ENO3: variants seen among roughly 807,000 people sequenced by gnomAD.
ENO3 encodes beta-enolase.
In ENO3, 46 loss-of-function variants were observed where a neutral mutation model predicts 47.7. The observed-to-expected ratio is 0.96, with a 90% CI of 0.76 to 1.23. ENO3 has a LOEUF of 1.23. ENO3 is among the 50% of genes most tolerant of loss of function. ENO3 has a pLI of 0.00. For synonymous variants in ENO3, 223 were observed against 225.9 expected (o/e 0.99, Z 0.11); for missense variants, 575 against 566.2 (o/e 1.02, Z -0.16).
At chr17:4,954,133 A>C in intron 6 of ENO3, 24 of 495,436 alleles carry the variant, frequency 4.8e-5, no homozygotes, top group Non-Finnish European at 4.7e-5. Context: ...CTACACCCAA[A>C]TCATATTGAG....
Position 4,956,038 on chromosome 17 carries a change from C to T in ENO3, c.962C>T (p.Thr321Ile), listed in dbSNP as rs763881693. ...VNIQIVGDDLTVTNPKRIAQA... is the reference protein window; with the variant it reads ...VNIQIVGDDLIVTNPKRIAQA... ...ATCCAGATTGTGGGGGATGACTTGA[C>T]AGTCACCAACCCCAAGAGGATTGCC... The change falls in exon 9 of 12, where the codon ACA (threonine) becomes ATA (isoleucine). Residue 321 changes from threonine (T) to isoleucine (I), a missense_variant. Coordinates refer to ENST00000519602, the MANE Select transcript of ENO3 (RefSeq NM_053013.4). 1.9e-6 allele frequency: 3 copies of T among 1,613,982 alleles called. No homozygotes were observed. In the Admixed American group the frequency reaches 5.0e-5, roughly 27 times the overall value.
chr17:4,950,275 C>T (rs1423340566), upstream of ENO3: 2 of 152,234 alleles, frequency 1.3e-5, no homozygotes, highest in African/African-American at 4.8e-5. Flanking sequence ...AGGGCAGAGA[C>T]CTACCTCCCC....
Position 4,955,160 on chromosome 17 carries a change from C to T in ENO3, c.530C>T (p.Ser177Phe). The T allele has an allele frequency of 6.2e-7, 1 of 1,614,258 alleles. No homozygotes were observed. The highest frequency in any genetic ancestry group is 8.5e-7 in the Non-Finnish European group (1 of 1,180,046). The change falls in exon 7 of 12, where the codon TCC (serine) becomes TTC (phenylalanine). Residue 177 changes from serine (S) to phenylalanine (F), a missense_variant. Ser to Phe is a radical substitution (Grantham distance 155). Coordinates refer to ENST00000519602, the MANE Select transcript of ENO3 (RefSeq NM_053013.4). ...EFMILPVGASSFKEAMRIGAE... is the reference protein window; with the variant it reads ...EFMILPVGASFFKEAMRIGAE... Reference sequence around the variant, plus strand: ...ATGATTCTGCCTGTGGGAGCCAGCTCCTTCAAGGAAGCCATGCGCATTGGC... The same window carrying T: ...ATGATTCTGCCTGTGGGAGCCAGCTTCTTCAAGGAAGCCATGCGCATTGGC...
At chr17:4,952,774 T>C (rs1310835638) in intron 2 of ENO3, 21 bp from the exon 3 acceptor site, 14 of 1,597,666 alleles carry the variant, frequency 8.8e-6, no homozygotes, top group Non-Finnish European at 1.2e-5. Flanking sequence ...CCCTGTGATC[T>C]TCCAATTCCT....
chr17:4,952,954 G>A, intron 3 of ENO3, 64 bp downstream of exon 3: 1 of 1,610,266 alleles, frequency 6.2e-7, no homozygotes, highest in South Asian at 1.1e-5. Flanking sequence ...TGCACAATGG[G>A]TAGAGGACTG....
At position 4,956,599 on chromosome 17, in the gene ENO3, G is replaced by T. The variant is rs1480224966; in HGVS notation, c.1094G>T (p.Trp365Leu). The change falls in exon 10 of 12, where the codon TGG becomes TTG. Residue 365 changes from tryptophan to leucine, a missense_variant. Transcript: ENST00000519602. ...TGCAAACTGGCTCAGTCTAATGGCT[G>T]GGGGGTGATGGTGAGCCACCGCTCT... Reference protein sequence around the residue: ...QACKLAQSNGWGVMVSHRSGE... With the variant: ...QACKLAQSNGLGVMVSHRSGE... 1 of 1,614,118 alleles carries T rather than the reference G, an allele frequency of 6.2e-7. No homozygotes were observed. Among genetic ancestry groups the T allele is most frequent in the Admixed American group, 1.7e-5 (1 of 60,020 alleles).
chr17:4,954,101 A>G (rs1971644239), intron 6 of ENO3: 5 of 588,518 alleles, frequency 8.5e-6, no homozygotes, highest in Non-Finnish European at 9.0e-6. Context: ...CGATAACTCC[A>G]GCCTCGTTCC....
rs747326260 is a variant in ENO3, at chr17:4,955,287, G to A, written c.657G>A (p.Glu219=). The change falls in exon 7 of 12, where the codon GAG becomes GAA. Residue 219 remains glutamate, a synonymous_variant. Coordinates refer to ENST00000519602, the MANE Select transcript of ENO3 (RefSeq NM_053013.4). ...GTGGCTTCGCACCCAACATCCTGGA[G>A]AACAATGAGGGTCAGTGCTGAGCAC... The part of the protein sequence containing the change: ...DEGGFAPNIL[E]NNEALELLKT... 3.5e-5 allele frequency: 57 copies of A among 1,614,158 alleles called. No homozygotes were observed. The South Asian group carries it at 5.3e-4, about 15-fold the overall frequency.
chr17:4,950,776 T>C, upstream of ENO3: 7 of 776,780 alleles, frequency 9.0e-6, no homozygotes, highest in Non-Finnish European at 1.1e-5. Flanking sequence ...GGGCTCAGGT[T>C]ACCCCTGGCC....
rs369343348 is a variant in ENO3, at chr17:4,957,014, T to G, written c.1272T>G (p.Ala424=). 4 of 1,614,098 alleles carry G rather than the reference T, an allele frequency of 2.5e-6. No individual in the cohort carries two copies. In the African/African-American group the frequency reaches 5.3e-5, roughly 22 times the overall value. Residue 424 remains alanine, a synonymous_variant, in exon 12 of 12, where the codon GCT becomes GCG. Coordinates refer to ENST00000519602, the MANE Select transcript of ENO3 (RefSeq NM_053013.4). ...CTCTTGGGGACAAGGCAATCTTTGC[T>G]GGACGCAAGTTCCGTAACCCGAAGG... is the stretch of plus-strand genomic sequence containing the variant. ...EEALGDKAIF[A]GRKFRNPKAK
rs757440599 is a variant in ENO3, at chr17:4,956,843, G to GC, written c.1194dup (p.Cys399LeufsTer32). 1.6e-4 allele frequency: 251 copies of GC among 1,613,960 alleles called. No homozygotes were observed. The highest frequency in any genetic ancestry group is 2.0e-4 in the Non-Finnish European group (232 of 1,180,026). ...CTTCCCTCATCAGATCAAGACTGGCGCCCCCTGCCGCTCGGAGCGTCTGGC... is the reference window on the plus strand; with the variant it reads ...CTTCCCTCATCAGATCAAGACTGGCGCCCCCCTGCCGCTCGGAGCGTCTGGC... On this transcript the variant is annotated frameshift_variant, in exon 11 of 12. Coordinates refer to ENST00000519602, the MANE Select transcript of ENO3 (RefSeq NM_053013.4). LOFTEE classifies it high-confidence loss of function.
Position 4,951,663 on chromosome 17 carries a change from G to A in ENO3, c.-2-165G>A, listed in dbSNP as rs117024190. On this transcript the variant is annotated intron_variant, in intron 1 of 11. Coordinates refer to ENST00000519602, the MANE Select transcript of ENO3 (RefSeq NM_053013.4). ...GGGTGGAATAAGAGCTGTTCTGAGT[G>A]GGGGAGGGGGCTGCGCCTGCCTCTT... 9.0e-4 allele frequency: 649 copies of A among 719,970 alleles called. 8 individuals carry two copies. The East Asian group carries it at 0.017, about 19-fold the overall frequency. The allele number at this position is 719,970 out of a possible 1,614,324, so 44.6% of individuals were successfully genotyped here. A position where few individuals can be genotyped will look rare whatever the true frequency, so the allele number is the denominator to read the frequency against.
intron 1 of ENO3, among the ~76,000 whole-genome samples, chr17:4,951,387 G>A (rs916517097): frequency 1.3e-5 from 2 of 152,144 alleles, no homozygotes; most frequent in Admixed American, 6.5e-5. Context: ...CTGTGAGGAG[G>A]GCAGCAGGGA....
Position 4,956,598 on chromosome 17 carries a change from TG to T in ENO3, c.1099del (p.Val367Ter), listed in dbSNP as rs961001512. On this transcript the variant is annotated frameshift_variant, in exon 10 of 12. Transcript: ENST00000519602. LOFTEE classifies it high-confidence loss of function. ...GTGCAAACTGGCTCAGTCTAATGGCTGGGGGGTGATGGTGAGCCACCGCTCT... is the reference window on the plus strand; with the variant it reads ...GTGCAAACTGGCTCAGTCTAATGGCTGGGGGTGATGGTGAGCCACCGCTCT... ...QACKLAQSNG[W>X]GVMVSHRSGE... 1.9e-6 allele frequency: 3 copies of T among 1,614,040 alleles called. No individual in the cohort carries two copies. The highest frequency in any genetic ancestry group is 2.7e-5 in the African/African-American group (2 of 74,910).
At position 4,956,033 on chromosome 17, in the gene ENO3, C is replaced by T; in HGVS notation, c.957C>T (p.Asp319=). 2 of 1,614,078 alleles carry T rather than the reference C, an allele frequency of 1.2e-6. No homozygotes were observed. Among genetic ancestry groups the T allele is most frequent in the South Asian group, 2.2e-5 (2 of 91,068 alleles). Residue 319 remains aspartate, a synonymous_variant, in exon 9 of 12, where the codon GAC becomes GAT. Transcript: ENST00000519602. Reference sequence around the variant, plus strand: ...TGAACATCCAGATTGTGGGGGATGACTTGACAGTCACCAACCCCAAGAGGA... The same window carrying T: ...TGAACATCCAGATTGTGGGGGATGATTTGACAGTCACCAACCCCAAGAGGA... The part of the protein sequence containing the change: ...SGVNIQIVGD[D]LTVTNPKRIA...
chr17:4,954,814 A>G (rs1184748717), intron 6 of ENO3, among the ~76,000 whole-genome samples: 10 of 151,862 alleles, frequency 6.6e-5, no homozygotes, highest in Admixed American at 6.6e-4. Context: ...TAGGGAGGCT[A>G]AGGCAGGAGA....
At chr17:4,950,717 G>A, upstream of ENO3, 48 of 972,558 alleles carry the variant, frequency 4.9e-5, no homozygotes, top group Non-Finnish European at 5.9e-5. Flanking sequence ...GAGCATGTGT[G>A]GACGTCAATC....
Position 4,953,182 on chromosome 17 carries a change from C to G in ENO3, c.240+73C>G, listed in dbSNP as rs868413211. 78 of 1,612,612 alleles carry G rather than the reference C, an allele frequency of 4.8e-5. 1 individual carries two copies. Among genetic ancestry groups the G allele is most frequent in the South Asian group, 4.6e-4 (42 of 91,062 alleles). ...TCCCTCAGCCCAGACAGGCCTCTCC[C>G]GAAACATTTTCCCTTATCCTTCCCC... On this transcript the variant is annotated intron_variant, in intron 4 of 11. Transcript: ENST00000519602.
Position 4,957,070 on chromosome 17 carries a change from C to T in ENO3, c.*23C>T. The T allele has an allele frequency of 6.2e-7, 1 of 1,613,728 alleles. No individual in the cohort carries two copies. Among genetic ancestry groups the T allele is most frequent in the Admixed American group, 1.7e-5 (1 of 60,024 alleles). On this transcript the variant is annotated 3_prime_UTR_variant, in exon 12 of 12. Coordinates refer to ENST00000519602, the MANE Select transcript of ENO3 (RefSeq NM_053013.4). Reference sequence around the variant, plus strand: ...TGAGAAGCTGGAGGCTCCAGGACTCCACTGGACAGACCCAGGTCTTCCAGA... The same window carrying T: ...TGAGAAGCTGGAGGCTCCAGGACTCTACTGGACAGACCCAGGTCTTCCAGA...
Sources: gnomAD v4.1 joint callset for allele counts (sites outside exome capture counted in the v4.1 genomes callset) on GRCh38, gnomAD v4.1.1 for gene constraint, MANE v1.5 for transcripts, NCBI Gene and HGNC (gene_info 2026-07-23, HGNC 2026-07-21) for gene names.